The following PCSK5 variants were observed in gnomAD, a reference collection of about 807,000 sequenced individuals.
PCSK5 encodes proprotein convertase subtilisin/kexin type 5.
Under a neutral mutation model 233.2 loss-of-function variants are expected in PCSK5, and 129 were observed. That is an observed-to-expected ratio of 0.55 (90% CI 0.48 to 0.64). PCSK5 has a LOEUF of 0.64. Among genes scored for constraint, PCSK5 ranks in the 30% least tolerant of loss-of-function variants. PCSK5 has a pLI of 0.00. For missense variants in PCSK5, 2,076 were observed against 2,430.1 expected, an observed-to-expected ratio of 0.85 and a Z score of 3.06; for synonymous variants, 825 against 879.2, an observed-to-expected ratio of 0.94 and a Z score of 1.09.
At chr9:76,233,332 G>T in intron 21 of PCSK5, 128 bp from the exon 22 acceptor site, 2 of 864,604 alleles carry the variant, frequency 2.3e-6, no homozygotes, top group Non-Finnish European at 3.6e-6. Context: ...TCACTCCCAG[G>T]CATCCCCCTT....
At chr9:76,273,326 A>G (rs1345944770) in intron 24 of PCSK5, among the ~76,000 whole-genome samples, 1 of 152,096 alleles carries the variant, frequency 6.6e-6, no homozygotes, top group East Asian at 1.9e-4. Context: ...CACAGAATTC[A>G]TTGTGATATC....
At chr9:76,203,290 G>A (rs888055570) in intron 20 of PCSK5, among the ~76,000 whole-genome samples, 5 of 151,952 alleles carry the variant, frequency 3.3e-5, no homozygotes, top group African/African-American at 1.2e-4. Flanking sequence ...AGCAATAAGC[G>A]GCCAGGAATT....
intron 2 of PCSK5, among the ~76,000 whole-genome samples, chr9:75,945,515 G>A (rs1213859172): frequency 6.6e-6 from 1 of 152,038 alleles, no homozygotes; most frequent in Non-Finnish European, 1.5e-5. Flanking sequence ...CATCAGTGTT[G>A]ACCTGTTTCA....
chr9:76,049,229 G>A (rs764050353), intron 5 of PCSK5, among the ~76,000 whole-genome samples: 1 of 152,106 alleles, frequency 6.6e-6, no homozygotes, highest in African/African-American at 2.4e-5. Context: ...ATAAGCTCAT[G>A]CAAATACCAT....
intron 2 of PCSK5, among the ~76,000 whole-genome samples, chr9:75,947,321 C>T (rs1016384229): frequency 2.0e-5 from 3 of 151,864 alleles, no homozygotes; most frequent in African/African-American, 7.3e-5. Flanking sequence ...ATTAGGTGGC[C>T]AGTGGTGGTA....
intron 7 of PCSK5, among the ~76,000 whole-genome samples, chr9:76,085,253 G>A (rs1422501846): frequency 6.6e-6 from 1 of 152,160 alleles, no homozygotes; most frequent in East Asian, 1.9e-4. Context: ...GATCATCCAG[G>A]CAACTGATTT....
chr9:76,211,588 C>G (rs1245909495), intron 20 of PCSK5, among the ~76,000 whole-genome samples: 1 of 152,228 alleles, frequency 6.6e-6, no homozygotes, highest in Non-Finnish European at 1.5e-5. Context: ...TGGCTCACAC[C>G]TGTAATCCCA....
intron 30 of PCSK5, among the ~76,000 whole-genome samples, chr9:76,311,383 A>G (rs1828861249): frequency 6.6e-6 from 1 of 151,988 alleles, no homozygotes; most frequent in Non-Finnish European, 1.5e-5. Context: ...TTCCCACCTT[A>G]TATTAATGAT....
At chr9:75,921,361 A>G (rs1823250744) in intron 1 of PCSK5, among the ~76,000 whole-genome samples, 1 of 152,232 alleles carries the variant, frequency 6.6e-6, no homozygotes, top group South Asian at 2.1e-4. Context: ...AACATTGAGC[A>G]TGACTGGACC....
At chr9:76,065,844 G>T (rs1348515846) in intron 5 of PCSK5, among the ~76,000 whole-genome samples, 3 of 151,856 alleles carry the variant, frequency 2.0e-5, no homozygotes, top group Non-Finnish European at 4.4e-5. Flanking sequence ...GGGGTGGGGG[G>T]TAATAGTTTC....
chr9:76,355,345 C>T (rs372815345), intron 37 of PCSK5, among the ~76,000 whole-genome samples: 17 of 152,130 alleles, frequency 1.1e-4, no homozygotes, highest in East Asian at 5.8e-4. Context: ...TGGTGGCGGG[C>T]GCCTGTAGTC....
Position 76,181,516 on chromosome 9 carries a change from A to C in PCSK5, c.2122A>C (p.Lys708Gln). 2 of 1,614,094 alleles carry C rather than the reference A, an allele frequency of 1.2e-6. No individual in the cohort carries two copies. Among genetic ancestry groups the C allele is most frequent in the Non-Finnish European group, 8.5e-7 (1 of 1,179,972 alleles). Residue 708 changes from lysine (K) to glutamine (Q), a missense_variant, in exon 16 of 38, where the codon AAA (lysine) becomes CAA (glutamine). By Grantham distance (53) the Lys-to-Gln change is moderately conservative. Around this residue, in one of 6 missense-constraint regions of PCSK5, gnomAD observed 1,510 missense variants for 1,538.1 expected, o/e 0.98. Coordinates refer to ENST00000674117, the MANE Select transcript of PCSK5 (RefSeq NM_001372043.1). Reference sequence around the variant, plus strand: ...CCATGGTGACCAATGCATGTCCTGCAAATATGGATACTTTCTGAATGAAGA... The same window carrying C: ...CCATGGTGACCAATGCATGTCCTGCCAATATGGATACTTTCTGAATGAAGA... ...GSHGDQCMSC[K>Q]YGYFLNEETN...
intron 30 of PCSK5, among the ~76,000 whole-genome samples, chr9:76,311,961 T>G (rs1828876513): frequency 6.6e-6 from 1 of 152,158 alleles, no homozygotes; most frequent in African/African-American, 2.4e-5. Flanking sequence ...CCTCAGATTT[T>G]TATTCTAATC....
chr9:76,314,634 A>T (rs562521642), intron 30 of PCSK5, among the ~76,000 whole-genome samples: 2 of 152,190 alleles, frequency 1.3e-5, no homozygotes, highest in African/African-American at 4.8e-5. Flanking sequence ...TTCATGAAAA[A>T]AAAAAGTGTT....
intron 8 of PCSK5, among the ~76,000 whole-genome samples, chr9:76,096,508 C>T (rs1831520097): frequency 2.0e-5 from 3 of 151,740 alleles, no homozygotes. Flanking sequence ...ATGGCCAATT[C>T]AGTGTGAAAA....
intron 30 of PCSK5, among the ~76,000 whole-genome samples, chr9:76,311,580 C>A (rs59867858): frequency 6.6e-6 from 1 of 152,056 alleles, no homozygotes; most frequent in Non-Finnish European, 1.5e-5. Flanking sequence ...TACCAATAGT[C>A]CCACCTCCAG....
intron 8 of PCSK5, among the ~76,000 whole-genome samples, chr9:76,106,438 A>G (rs947954638): frequency 6.6e-6 from 1 of 152,228 alleles, no homozygotes; most frequent in Non-Finnish European, 1.5e-5. Context: ...TAATGAAACA[A>G]AGGTTGAGAA....
intron 3 of PCSK5, among the ~76,000 whole-genome samples, chr9:76,014,223 C>T (rs1049717500): frequency 1.3e-5 from 2 of 152,076 alleles, no homozygotes; most frequent in African/African-American, 4.8e-5. Context: ...TGCTCATGTT[C>T]CCATAATTAT....
intron 10 of PCSK5, among the ~76,000 whole-genome samples, chr9:76,140,184 T>G (rs1338746): frequency 0.5 from 75,588 of 151,838 alleles, 20,124 homozygotes; most frequent in East Asian, 0.94. Context: ...CAAAATAGAA[T>G]TAAAATGATG....
Sources: allele counts gnomAD v4.1 joint callset (sites outside exome capture counted in the v4.1 genomes callset), GRCh38; gene constraint gnomAD v4.1.1; regional missense constraint gnomAD v4.1.1; transcripts MANE v1.5; gene names NCBI Gene and HGNC (gene_info 2026-07-23, HGNC 2026-07-21).